SLCO1B3: variants seen among roughly 807,000 people sequenced by gnomAD.
SLCO1B3 encodes solute carrier organic anion transporter family member 1B3, also known as liver-specific organic anion transporter 2.
A neutral mutation model predicts 71.8 loss-of-function variants in SLCO1B3; 72 were observed. That is an observed-to-expected ratio of 1.00 (90% CI 0.83 to 1.22). The LOEUF (loss-of-function observed/expected upper bound fraction) is 1.22, where lower values mean the gene tolerates loss of function less well. SLCO1B3 is among the 50% of genes most tolerant of loss of function. SLCO1B3 has a pLI of 0.00. For synonymous variants in SLCO1B3, 298 were observed against 278.4 expected, an observed-to-expected ratio of 1.07 and a Z score of -0.70; for missense variants, 911 against 819.7, an observed-to-expected ratio of 1.11 and a Z score of -1.36.
intron 3 of SLCO1B3, among the ~76,000 whole-genome samples, chr12:20,850,440 C>A (rs1004093899): frequency 6.6e-6 from 1 of 151,888 alleles, no homozygotes; most frequent in East Asian, 1.9e-4. Context: ...CCACCACTCC[C>A]GGCTAATTTT....
At chr12:20,895,330 C>T (rs976687681) in intron 13 of SLCO1B3, among the ~76,000 whole-genome samples, 2 of 152,178 alleles carry the variant, frequency 1.3e-5, no homozygotes, top group African/African-American at 4.8e-5. Flanking sequence ...AAGTCCCTTC[C>T]ACCTATGCAC....
chr12:20,833,841 TTAAA>T (rs894411975), intron 3 of SLCO1B3, among the ~76,000 whole-genome samples: 1 of 147,592 alleles, frequency 6.8e-6, no homozygotes, highest in Non-Finnish European at 1.5e-5. Context: ...CAGTTTGTGT[TTAAA>T]TAAGTTTATA....
In SLCO1B3 at chr12:20,894,620, A is replaced by G. The variant is rs1865967377; in HGVS notation, c.1683-3816A>G. On this transcript the variant is annotated intron_variant, in intron 13 of 15. Transcript: ENST00000381545. ...AGTGTAACTTCTGAAAATCAAGTACAGTGAAAAATACATGTCAGGCTATTG... is the reference window on the plus strand; with the variant it reads ...AGTGTAACTTCTGAAAATCAAGTACGGTGAAAAATACATGTCAGGCTATTG... Among the ~76,000 whole-genome samples, 2 of 152,172 alleles carry G rather than the reference A, an allele frequency of 1.3e-5. 1 individual carries two copies. Among genetic ancestry groups the G allele is most frequent in the South Asian group, 4.1e-4 (2 of 4,828 alleles).
intron 8 of SLCO1B3, among the ~76,000 whole-genome samples, chr12:20,868,036 G>T (rs1335232151): frequency 6.6e-6 from 1 of 152,102 alleles, no homozygotes; most frequent in African/African-American, 2.4e-5. Context: ...TTAATGAATA[G>T]TAAACACATT....
chr12:20,893,505 T>C (rs1211958959), intron 13 of SLCO1B3, among the ~76,000 whole-genome samples: 2 of 152,158 alleles, frequency 1.3e-5, no homozygotes, highest in South Asian at 2.1e-4. Flanking sequence ...CTGGAAGTGG[T>C]AAAAATGAAA....
At chr12:20,829,431 C>T (rs1367841892) in intron 3 of SLCO1B3, among the ~76,000 whole-genome samples, 1 of 152,170 alleles carries the variant, frequency 6.6e-6, no homozygotes, top group African/African-American at 2.4e-5. Flanking sequence ...CATCATGGAG[C>T]AGGAAAACTC....
chr12:20,866,147 T>G (rs1865370065), intron 8 of SLCO1B3, among the ~76,000 whole-genome samples: 1 of 152,130 alleles, frequency 6.6e-6, no homozygotes, highest in Non-Finnish European at 1.5e-5. Flanking sequence ...CCACTAGTGA[T>G]GCTGGAAGTG....
intron 9 of SLCO1B3, 98 bp downstream of exon 9, chr12:20,875,575 T>G (rs1865566016): frequency 4.9e-6 from 6 of 1,218,482 alleles, no homozygotes; most frequent in African/African-American, 1.6e-5. Flanking sequence ...TCATCTAGAG[T>G]CAGCTTTCTT....
chr12:20,831,435 T>G (rs796281088), intron 3 of SLCO1B3, among the ~76,000 whole-genome samples: 31 of 151,502 alleles, frequency 2.0e-4, no homozygotes, highest in African/African-American at 6.3e-4. Flanking sequence ...CTAAATTGAT[T>G]AATCATATCT....
intron 5 of SLCO1B3, chr12:20,858,850 A>T (rs1865197005): frequency 5.4e-6 from 1 of 184,858 alleles, no homozygotes; most frequent in Non-Finnish European, 1.1e-5. Context: ...TACCAATTTT[A>T]GTATAACATA....
At chr12:20,842,616 A>G (rs539614129) in intron 3 of SLCO1B3, among the ~76,000 whole-genome samples, 5 of 152,300 alleles carry the variant, frequency 3.3e-5, no homozygotes, top group Non-Finnish European at 7.4e-5. Context: ...CCAAACTGAA[A>G]AATCTCTGCC....
At chr12:20,820,934 G>A (rs530970764) in intron 3 of SLCO1B3, among the ~76,000 whole-genome samples, 3 of 152,114 alleles carry the variant, frequency 2.0e-5, no homozygotes, top group South Asian at 2.1e-4. Context: ...TGGGGGAGGG[G>A]TAGTCATGGA....
At chr12:20,911,936 C>T (rs186466490) in intron 15 of SLCO1B3, among the ~76,000 whole-genome samples, 1 of 151,954 alleles carries the variant, frequency 6.6e-6, no homozygotes, top group East Asian at 1.9e-4. Flanking sequence ...TTCACTGTGC[C>T]CTACTTTTAC....
chr12:20,832,931 G>T (rs1388755144), intron 3 of SLCO1B3, among the ~76,000 whole-genome samples: 1 of 134,536 alleles, frequency 7.4e-6, no homozygotes, highest in Non-Finnish European at 1.7e-5. Flanking sequence ...GTGTTTAATG[G>T]CATAAAACAA....
In SLCO1B3 at chr12:20,915,986, TA is replaced by T; in HGVS notation, c.1866-17del. The T allele has an allele frequency of 6.4e-7, 1 of 1,565,174 alleles. No individual in the cohort carries two copies. The highest frequency in any genetic ancestry group is 1.9e-5 in the Admixed American group (1 of 52,838). On this transcript the variant is annotated splice_polypyrimidine_tract_variant and intron_variant, in intron 15 of 15. Transcript: ENST00000381545. ...ACATTTAAAATAATAATCGACTCTC[TA>T]TTTTCTCTTTTCACAGAAGGGTCTA...
chr12:20,812,559 G>T (rs1319959942), intron 1 of SLCO1B3, among the ~76,000 whole-genome samples: 1 of 152,172 alleles, frequency 6.6e-6, no homozygotes, highest in African/African-American at 2.4e-5. Flanking sequence ...CCATACATCT[G>T]CAAGTGCTTA....
intron 3 of SLCO1B3, among the ~76,000 whole-genome samples, chr12:20,836,920 C>T (rs1591753151): frequency 6.6e-6 from 1 of 152,122 alleles, no homozygotes; most frequent in African/African-American, 2.4e-5. Context: ...GGATTACAGG[C>T]GTGAGCCACT....
intron 3 of SLCO1B3, among the ~76,000 whole-genome samples, chr12:20,818,468 A>T (rs908073583): frequency 6.7e-6 from 1 of 149,376 alleles, no homozygotes; most frequent in South Asian, 2.1e-4. Flanking sequence ...GAAAGTGTCT[A>T]CTTAGACAAA....
intron 3 of SLCO1B3, among the ~76,000 whole-genome samples, chr12:20,851,795 A>G (rs992316036): frequency 3.7e-4 from 20 of 54,132 alleles, no homozygotes; most frequent in African/African-American, 1.1e-3. Flanking sequence ...AAGGTCTTAC[A>G]TTTAGGCATT....
Sources: allele counts gnomAD v4.1 joint callset (sites outside exome capture counted in the v4.1 genomes callset), GRCh38; gene constraint gnomAD v4.1.1; transcripts MANE v1.5; gene names NCBI Gene and HGNC (gene_info 2026-07-23, HGNC 2026-07-21).